The following TPTE variants were observed in gnomAD, a reference collection of about 807,000 sequenced individuals.
TPTE encodes transmembrane phosphatase with tensin homology, also known as putative tyrosine-protein phosphatase TPTE.
In TPTE, 59 loss-of-function variants were observed where a neutral mutation model predicts 84.1. The ratio of observed to expected loss-of-function variants is 0.70; its 90% confidence interval spans 0.57 to 0.87. The LOEUF is 0.87. Among genes scored for constraint, TPTE ranks in the 40% least tolerant of loss-of-function variants. The pLI is 0.00. For synonymous variants in TPTE, 130 were observed against 223.5 expected (o/e 0.58, Z 3.73); for missense variants, 382 against 659.6 (o/e 0.58, Z 4.61).
chr21:10,525,609 G>C (rs1400936043), intron 2 of TPTE, among the ~76,000 whole-genome samples: 2 of 152,304 alleles, frequency 1.3e-5, no homozygotes, highest in African/African-American at 4.8e-5. Context: ...GATTATAAAG[G>C]TGTAGCTAAC....
intron 21 of TPTE, 126 bp from the exon 22 acceptor site, chr21:10,601,932 A>T: frequency 1.1e-6 from 1 of 916,352 alleles, no homozygotes; most frequent in Non-Finnish European, 1.7e-6. Context: ...TTATTTATGT[A>T]TGTAGTGATT....
intron 21 of TPTE, among the ~76,000 whole-genome samples, chr21:10,599,797 AATTT>A (rs1455263663): frequency 2.0e-5 from 3 of 152,058 alleles, no homozygotes; most frequent in African/African-American, 7.2e-5. Flanking sequence ...ACACAACTCT[AATTT>A]AGTTAGTTAG....
chr21:10,558,207 A>G (rs61162377), intron 8 of TPTE, among the ~76,000 whole-genome samples: 2,526 of 151,190 alleles, frequency 0.017, no homozygotes, highest in African/African-American at 0.059. Context: ...ATAGTGCTGC[A>G]GTGAACATTC....
At chr21:10,540,748 G>A in intron 4 of TPTE, 1 of 520,472 alleles carries the variant, frequency 1.9e-6, no homozygotes, top group South Asian at 1.4e-5. Flanking sequence ...GGTGAAAAGT[G>A]AGGAGGTGAT....
intron 10 of TPTE, among the ~76,000 whole-genome samples, chr21:10,566,659 G>C (rs1265441486): frequency 6.6e-6 from 1 of 152,310 alleles, no homozygotes; most frequent in Non-Finnish European, 1.5e-5. Flanking sequence ...ATACACAAGA[G>C]AGTATTATTT....
intron 1 of TPTE, among the ~76,000 whole-genome samples, chr21:10,522,173 G>A (rs1202522551): frequency 6.6e-6 from 1 of 152,288 alleles, no homozygotes; most frequent in African/African-American, 2.4e-5. Flanking sequence ...TGAGTTCCCC[G>A]TGTCTGCTTT....
At chr21:10,588,726 T>A (rs2075411794) in intron 17 of TPTE, among the ~76,000 whole-genome samples, 1 of 152,308 alleles carries the variant, frequency 6.6e-6, no homozygotes, top group African/African-American at 2.4e-5. Flanking sequence ...TTCTTTATTT[T>A]TGTCTGACTG....
chr21:10,601,274 G>T (rs924946573), intron 21 of TPTE, among the ~76,000 whole-genome samples: 1 of 152,312 alleles, frequency 6.6e-6, no homozygotes, highest in South Asian at 2.1e-4. Context: ...GGAGGCCAGG[G>T]CAGGTGGATC....
intron 14 of TPTE, among the ~76,000 whole-genome samples, chr21:10,576,005 A>T (rs1005730582): frequency 2.0e-5 from 3 of 152,306 alleles, no homozygotes; most frequent in South Asian, 2.1e-4. Context: ...ACCCATGTGG[A>T]AGACAGTGTG....
intron 3 of TPTE, among the ~76,000 whole-genome samples, chr21:10,530,736 A>G (rs1042270820): frequency 3.3e-5 from 5 of 152,310 alleles, no homozygotes; most frequent in Non-Finnish European, 5.9e-5. Flanking sequence ...AATACTGCCT[A>G]TTGCTCTCAC....
chr21:10,535,851 A>AC (rs1193306852), intron 3 of TPTE, among the ~76,000 whole-genome samples: 1 of 152,302 alleles, frequency 6.6e-6, no homozygotes, highest in African/African-American at 2.4e-5. Flanking sequence ...GCCTACAGCT[A>AC]CATGGTCATA....
chr21:10,535,557 C>T (rs2074252664), intron 3 of TPTE, among the ~76,000 whole-genome samples: 3 of 152,302 alleles, frequency 2.0e-5, no homozygotes, highest in African/African-American at 7.2e-5. Flanking sequence ...GCTTCTTCCT[C>T]TTAGTATATT....
chr21:10,537,946 A>C (rs1256763333), intron 3 of TPTE, among the ~76,000 whole-genome samples: 1 of 152,300 alleles, frequency 6.6e-6, no homozygotes, highest in East Asian at 1.9e-4. Context: ...TTATGTCTTG[A>C]ATGAATTTAG....
chr21:10,603,568 C>G lies in TPTE; in HGVS notation c.1456C>G (p.Pro486Ala). ...AATTTTTTTTTCTTTTTAGAATCTT[C>G]CTACATACTATGACAATTGCTCATT... ...VKVQFFYSNL[P>A]TYYDNCSFYF... Residue 486 changes from proline (P) to alanine (A), a missense_variant, in exon 23 of 24, where the codon CCT becomes GCT. Pro to Ala is a conservative substitution (Grantham distance 27). Transcript: ENST00000618007. 1 of 1,611,986 alleles carries G rather than the reference C, an allele frequency of 6.2e-7. No individual in the cohort carries two copies. The highest frequency in any genetic ancestry group is 2.2e-5 in the East Asian group (1 of 44,788).
intron 10 of TPTE, among the ~76,000 whole-genome samples, chr21:10,563,043 C>T (rs548819214): frequency 1.3e-5 from 2 of 152,416 alleles, no homozygotes; most frequent in South Asian, 2.1e-4. Context: ...GATGGCGCTA[C>T]AATATATCTG....
At chr21:10,592,807 T>TGTGTGG (rs2075508335) in intron 19 of TPTE, among the ~76,000 whole-genome samples, 2 of 143,782 alleles carry the variant, frequency 1.4e-5, no homozygotes, top group African/African-American at 5.1e-5. Flanking sequence ...TGACTCCTGG[T>TGTGTGG]GTGTGTGTGT....
chr21:10,572,821 C>G (rs1282634841), intron 14 of TPTE, among the ~76,000 whole-genome samples: 1 of 152,308 alleles, frequency 6.6e-6, no homozygotes, highest in African/African-American at 2.4e-5. Flanking sequence ...TAAAACTCAC[C>G]TGTAGTGCAG....
rs201177847 is a variant in TPTE at position 10,561,204 on chromosome 21, A to C, written c.446+13A>C. 1 of 1,610,982 alleles carries C rather than the reference A, an allele frequency of 6.2e-7. No homozygotes were observed. Among genetic ancestry groups the C allele is most frequent in the Non-Finnish European group, 8.5e-7 (1 of 1,179,572 alleles). ...TATTTGTAGAAAGGTAAGTTTGATT[A>C]TTTTTATAATGCATTAAGCTACTTT... On this transcript the variant is annotated intron_variant, in intron 10 of 23. Transcript: ENST00000618007.
At chr21:10,593,679 A>G (rs2075527863) in intron 19 of TPTE, among the ~76,000 whole-genome samples, 1 of 152,312 alleles carries the variant, frequency 6.6e-6, no homozygotes, top group African/African-American at 2.4e-5. Flanking sequence ...AGAGAAAGTA[A>G]CCTTTGAACC....
Sources: gnomAD v4.1 joint callset for allele counts (sites outside exome capture counted in the v4.1 genomes callset) on GRCh38, gnomAD v4.1.1 for gene constraint, MANE v1.5 for transcripts, NCBI Gene and HGNC (gene_info 2026-07-23, HGNC 2026-07-21) for gene names.